SLC25A1: variants seen among roughly 807,000 people sequenced by gnomAD.
SLC25A1 encodes the protein solute carrier family 25 member 1.
Under a neutral mutation model 38.1 loss-of-function variants are expected in SLC25A1, and 26 were observed. That is an observed-to-expected ratio of 0.68 (90% CI 0.50 to 0.95). The LOEUF (loss-of-function observed/expected upper bound fraction) is 0.95. Ranked by LOEUF, SLC25A1 falls within the 40% of genes least tolerant of loss-of-function variation. SLC25A1 has a pLI of 0.00. For missense variants in SLC25A1, 378 were observed against 426.6 expected (o/e 0.89, Z 1.00); for synonymous variants, 211 against 183.2 (o/e 1.15, Z -1.23).
At chr22:19,177,243 A>G (rs373259795) in intron 4 of SLC25A1, 39 bp from the exon 5 acceptor site, 2 of 1,572,188 alleles carry the variant, frequency 1.3e-6, no homozygotes, top group Non-Finnish European at 1.7e-6. Context: ...CTCGGCTGCC[A>G]CCTGGGTGGG....
chr22:19,177,599 C>T, intron 4 of SLC25A1, 128 bp downstream of exon 4: 1 of 1,339,586 alleles, frequency 7.5e-7, no homozygotes, highest in Non-Finnish European at 1.0e-6. Context: ...GCGGTCACCC[C>T]GCCGGCCTTC....
Position 19,177,998 on chromosome 22 carries a change from G to C in SLC25A1, c.246C>G (p.Gly82=), listed in dbSNP as rs1555923139. Residue 82 remains glycine, a synonymous_variant, in exon 3 of 9, where the codon GGC becomes GGG. Transcript: ENST00000215882. ...RQTVRSHGVL[G]LYRGLSSLLY... is the part of the protein sequence containing the mutation. The stretch of plus-strand genomic sequence containing the variant: ...GCAGGGAGCTAAGGCCGCGGTACAG[G>C]CCCAGGACGCCATGGCTGCGAACCG... 7.5e-6 allele frequency: 12 copies of C among 1,603,120 alleles called. No individual in the cohort carries two copies. The highest frequency in any genetic ancestry group is 1.0e-5 in the Non-Finnish European group (12 of 1,176,808).
In SLC25A1 at chr22:19,177,823, G is replaced by A; in HGVS notation, c.345C>T (p.Ala115=). The A allele has an allele frequency of 6.2e-7, 1 of 1,610,760 alleles. No homozygotes were observed. The highest frequency in any genetic ancestry group is 8.5e-7 in the Non-Finnish European group (1 of 1,179,216). ...CACGCGTGCTGTCCAGCCGTCCCTG[G>A]GCATCCCGCATGTGGTTGCTGAGGA... is the stretch of plus-strand genomic sequence containing the variant. ...FEFLSNHMRD[A]QGRLDSTRGL... The change falls in exon 4 of 9, where the codon GCC becomes GCT. Residue 115 remains alanine, a synonymous_variant. Transcript: ENST00000215882.
rs1601403387 is a variant in SLC25A1 at position 19,178,379 on chromosome 22, G to T, written c.95-139C>A. ...ATAGGCTGGGGCCCCACGCCCCCAT[G>T]CCCTCACCCCGTTGTCCCGGCGAGG... is the stretch of plus-strand genomic sequence containing the variant. On this transcript the variant is annotated intron_variant, in intron 1 of 8. Transcript: ENST00000215882. The surrounding 1 kb of genome is among the most constrained non-coding windows in gnomAD (Gnocchi z 4.9). The T allele has an allele frequency of 2.8e-6, 4 of 1,429,612 alleles. No individual in the cohort carries two copies. The East Asian group carries it at 1.1e-4, about 40-fold the overall frequency. 88.6% of individuals were successfully genotyped at this position (1,429,612 alleles called of 1,614,324 possible). A position where few individuals can be genotyped will look rare whatever the true frequency, so the allele number is the denominator to read the frequency against.
intron 4 of SLC25A1, 77 bp downstream of exon 4, chr22:19,177,650 C>G (rs201177827): frequency 5.7e-6 from 9 of 1,580,148 alleles, no homozygotes; most frequent in Admixed American, 3.4e-5. Context: ...CCGGTTGCCC[C>G]GGGAGCACCG....
In SLC25A1 at chr22:19,178,379, G is replaced by A; in HGVS notation, c.95-139C>T. The A allele has an allele frequency of 7.0e-7, 1 of 1,429,612 alleles. No individual in the cohort carries two copies. Among genetic ancestry groups the A allele is most frequent in the Non-Finnish European group, 9.1e-7 (1 of 1,095,540 alleles). 88.6% of individuals were successfully genotyped at this position (1,429,612 alleles called of 1,614,324 possible). A position where few individuals can be genotyped will look rare whatever the true frequency, so the allele number is the denominator to read the frequency against. On this transcript the variant is annotated intron_variant, in intron 1 of 8. Coordinates refer to ENST00000215882, the MANE Select transcript of SLC25A1 (RefSeq NM_005984.5). This position sits in a 1 kb window ranked among gnomAD's most constrained non-coding sequence, Gnocchi z 4.9. Reference sequence around the variant, plus strand: ...ATAGGCTGGGGCCCCACGCCCCCATGCCCTCACCCCGTTGTCCCGGCGAGG... The same window carrying A: ...ATAGGCTGGGGCCCCACGCCCCCATACCCTCACCCCGTTGTCCCGGCGAGG...
Position 19,176,837 on chromosome 22 carries a change from CAG to C in SLC25A1, c.631+7_631+8del. 2 of 1,613,390 alleles carry C rather than the reference CAG, an allele frequency of 1.2e-6. No individual in the cohort carries two copies. The highest frequency in any genetic ancestry group is 8.5e-7 in the Non-Finnish European group (1 of 1,179,634). On this transcript the variant is annotated splice_region_variant and intron_variant, in intron 6 of 8. Coordinates refer to ENST00000215882, the MANE Select transcript of SLC25A1 (RefSeq NM_005984.5). ...TGTGCAGAGATGGGGCCCTGTGATG[CAG>C]ACACACCTCGGTACCAGTTGCGCAG...
rs1371494867 is a variant in SLC25A1, at chr22:19,178,567, C to G, written c.94+13G>C. 2 of 1,237,008 alleles carry G rather than the reference C, an allele frequency of 1.6e-6. No individual in the cohort carries two copies. The highest frequency in any genetic ancestry group is 4.3e-5 in the Admixed American group (1 of 23,088). 76.6% of individuals were successfully genotyped at this position (1,237,008 alleles called of 1,614,324 possible). A position where few individuals can be genotyped will look rare whatever the true frequency, so the allele number is the denominator to read the frequency against. ...CGCGGCGGGAGAGGGGTCCGCGTCC[C>G]GGAGGGGCCCACCTGCCAGGATCGC... On this transcript the variant is annotated intron_variant, in intron 1 of 8. Transcript: ENST00000215882. The surrounding 1 kb of genome is among the most constrained non-coding windows in gnomAD (Gnocchi z 4.9).
Position 19,177,959 on chromosome 22 carries a change from G to A in SLC25A1, c.285C>T (p.Ile95=). 6.2e-7 allele frequency: 1 copy of A among 1,603,094 alleles called. No homozygotes were observed. The highest frequency in any genetic ancestry group is 2.3e-5 in the East Asian group (1 of 44,426). The change falls in exon 3 of 9, where the codon ATC becomes ATT. Residue 95 remains isoleucine, a synonymous_variant. Transcript: ENST00000215882. Reference sequence around the variant, plus strand: ...GGCCTCACCTGACGGCCGCCTTGGGGATGGAACCGTAGAGCAGGGAGCTAA... The same window carrying A: ...GGCCTCACCTGACGGCCGCCTTGGGAATGGAACCGTAGAGCAGGGAGCTAA... ...RGLSSLLYGS[I]PKAAVRFGMF...
In SLC25A1 at chr22:19,178,428, C is replaced by T. The variant is rs2084007909; in HGVS notation, c.94+152G>A. ...GGCGCAGGGGGTGACAGACGGGAGG[C>T]GGGCGAGTCCCAGCGCGCCGGGTGG... On this transcript the variant is annotated intron_variant, in intron 1 of 8. Coordinates refer to ENST00000215882, the MANE Select transcript of SLC25A1 (RefSeq NM_005984.5). The surrounding 1 kb of genome is among the most constrained non-coding windows in gnomAD (Gnocchi z 4.9). The T allele has an allele frequency of 2.2e-6, 3 of 1,374,556 alleles. No homozygotes were observed. Among genetic ancestry groups the T allele is most frequent in the Non-Finnish European group, 2.8e-6 (3 of 1,070,392 alleles). The allele number at this position is 1,374,556 out of a possible 1,614,324, so 85.1% of individuals were successfully genotyped here. A position where few individuals can be genotyped will look rare whatever the true frequency, so the allele number is the denominator to read the frequency against.
At chr22:19,176,523 C>T in intron 7 of SLC25A1, 29 bp from the exon 8 acceptor site, 2 of 1,613,150 alleles carry the variant, frequency 1.2e-6, no homozygotes, top group Non-Finnish European at 1.7e-6. Context: ...GGCAGGGGCT[C>T]AGCAGCTAGC....
rs2083987132 is a variant in SLC25A1 at position 19,177,745 on chromosome 22, G to A, written c.423C>T (p.Cys141=). ...TCCCCACCTTGATGGTCTCCATGGG[G>A]CACACGACCACCACGGCCTCGGCCA... ...AGVAEAVVVV[C]PMETIKVKFI... is the part of the protein sequence containing the mutation. The change falls in exon 4 of 9, where the codon TGC becomes TGT. Residue 141 remains cysteine, a synonymous_variant. Transcript: ENST00000215882. The A allele has an allele frequency of 1.9e-6, 3 of 1,608,424 alleles. No homozygotes were observed. In the East Asian group the frequency reaches 6.7e-5, roughly 36 times the overall value.
In SLC25A1 at chr22:19,178,537, A is replaced by C; in HGVS notation, c.94+43T>G. On this transcript the variant is annotated intron_variant, in intron 1 of 8. Transcript: ENST00000215882. This position sits in a 1 kb window ranked among gnomAD's most constrained non-coding sequence, Gnocchi z 4.9. Reference sequence around the variant, plus strand: ...GGGCCTCAGCGTCCCGGGCCCACCCAGAAGCGCGGCGGGAGAGGGGTCCGC... The same window carrying C: ...GGGCCTCAGCGTCCCGGGCCCACCCCGAAGCGCGGCGGGAGAGGGGTCCGC... The C allele has an allele frequency of 3.9e-6, 5 of 1,266,896 alleles. No individual in the cohort carries two copies. The highest frequency in any genetic ancestry group is 5.0e-6 in the Non-Finnish European group (5 of 1,008,278). The allele number at this position is 1,266,896 out of a possible 1,614,324, so 78.5% of individuals were successfully genotyped here.
intron 8 of SLC25A1, 57 bp from the exon 9 acceptor site, chr22:19,176,301 G>T: frequency 6.4e-7 from 1 of 1,556,902 alleles, no homozygotes; most frequent in Non-Finnish European, 8.9e-7. Flanking sequence ...TCCCTGCACA[G>T]GGCAATCCCC....
In SLC25A1 at chr22:19,177,778, G is replaced by A; in HGVS notation, c.390C>T (p.Gly130=). 6.2e-7 allele frequency: 1 copy of A among 1,610,240 alleles called. No homozygotes were observed. The highest frequency in any genetic ancestry group is 8.5e-7 in the Non-Finnish European group (1 of 1,179,596). ...DSTRGLLCGL[G]AGVAEAVVVV... is the part of the protein sequence containing the mutation. ...CCACCACGGCCTCGGCCACGCCAGC[G>A]CCCAGGCCGCACAGCAGCCCACGCG... The change falls in exon 4 of 9, where the codon GGC becomes GGT. Residue 130 remains glycine, a synonymous_variant. Coordinates refer to ENST00000215882, the MANE Select transcript of SLC25A1 (RefSeq NM_005984.5).
intron 4 of SLC25A1, among the ~76,000 whole-genome samples, chr22:19,177,474 G>A (rs1400116940): frequency 6.6e-6 from 1 of 152,220 alleles, no homozygotes; most frequent in Non-Finnish European, 1.5e-5. Flanking sequence ...CAGTGAAGGT[G>A]TCATTTTGTT....
At chr22:19,177,579 C>G in intron 4 of SLC25A1, 148 bp downstream of exon 4, 1 of 1,099,498 alleles carries the variant, frequency 9.1e-7, no homozygotes, top group East Asian at 2.6e-5. Context: ...GCGTCCTGCC[C>G]CAGGGCCCCG....
At chr22:19,176,755 A>G in intron 6 of SLC25A1, 62 bp from the exon 7 acceptor site, 1 of 1,592,642 alleles carries the variant, frequency 6.3e-7, no homozygotes, top group Non-Finnish European at 8.6e-7. Context: ...TCAGCACTTC[A>G]AAAGGTGGGT....
chr22:19,175,969 G>A lies in SLC25A1; in HGVS notation c.*161C>T. 1 of 652,106 alleles carries A rather than the reference G, an allele frequency of 1.5e-6. No homozygotes were observed. Among genetic ancestry groups the A allele is most frequent in the Non-Finnish European group, 2.8e-6 (1 of 358,470 alleles). 40.4% of individuals were successfully genotyped at this position (652,106 alleles called of 1,614,324 possible). A position where few individuals can be genotyped will look rare whatever the true frequency, so the allele number is the denominator to read the frequency against. ...TGGTGGTGTCACACACAGACCACAG[G>A]GGGGACACATGGATTTGACAGCCAC... On this transcript the variant is annotated 3_prime_UTR_variant, in exon 9 of 9. Coordinates refer to ENST00000215882, the MANE Select transcript of SLC25A1 (RefSeq NM_005984.5).
Sources: allele counts gnomAD v4.1 joint callset (sites outside exome capture counted in the v4.1 genomes callset), GRCh38; gene constraint gnomAD v4.1.1; non-coding constraint Gnocchi (gnomAD v3.1); transcripts MANE v1.5; gene names NCBI Gene and HGNC (gene_info 2026-07-23, HGNC 2026-07-21).